The following ZNF620 variants were observed in gnomAD, a reference collection of about 807,000 sequenced individuals.
The protein encoded by ZNF620 is zinc finger protein 620.
Under a neutral mutation model 13.3 loss-of-function variants are expected in ZNF620, and 10 were observed. The ratio of observed to expected loss-of-function variants is 0.75; its 90% CI spans 0.46 to 1.28. ZNF620 has a LOEUF of 1.28. ZNF620 is among the 50% of genes most tolerant of loss of function. The pLI is 0.00. For synonymous variants in ZNF620, 166 were observed against 177.6 expected (o/e 0.93, Z 0.52); for missense variants, 461 against 500.2 (o/e 0.92, Z 0.75).
intron 2 of ZNF620, among the ~76,000 whole-genome samples, chr3:40,510,617 C>A (rs1330079769): frequency 6.6e-6 from 1 of 152,160 alleles, no homozygotes; most frequent in East Asian, 1.9e-4. Flanking sequence ...GTGAATTGGG[C>A]CCCTTTTTGT....
In ZNF620 at chr3:40,516,507, G is replaced by A; in HGVS notation, c.913G>A (p.Glu305Lys). The change falls in exon 5 of 5, where the codon GAG (glutamate) becomes AAG (lysine). Residue 305 changes from glutamate (E) to lysine (K), a missense_variant. Coordinates refer to ENST00000314529, the MANE Select transcript of ZNF620 (RefSeq NM_175888.4). ...FLQHQRFHTGEKLYECNECWK... is the reference protein window; with the variant it reads ...FLQHQRFHTGKKLYECNECWK... ...CCAGCACCAGAGGTTCCACACTGGG[G>A]AGAAGCTCTATGAATGTAACGAATG... The A allele has an allele frequency of 6.2e-7, 1 of 1,614,192 alleles. No individual in the cohort carries two copies.
intron 4 of ZNF620, among the ~76,000 whole-genome samples, chr3:40,513,316 AATATATATATAT>A (rs71618944): frequency 0.034 from 2,141 of 62,682 alleles, 112 homozygotes; most frequent in East Asian, 0.08. Context: ...AAAAAAAAAA[AATATATATATAT>A]ATATATATAT....
chr3:40,513,887 G>A (rs1033501806), intron 4 of ZNF620, among the ~76,000 whole-genome samples: 1 of 152,214 alleles, frequency 6.6e-6, no homozygotes, highest in Non-Finnish European at 1.5e-5. Flanking sequence ...AGACAAGAGT[G>A]TGAGCACTCT....
In ZNF620 at chr3:40,516,056, C is replaced by A; in HGVS notation, c.462C>A (p.Thr154=). The A allele has an allele frequency of 6.2e-7, 1 of 1,614,076 alleles. No individual in the cohort carries two copies. The highest frequency in any genetic ancestry group is 1.3e-5 in the African/African-American group (1 of 75,014). ...CAAAGAGGAGACATTTCACAGATAC[C>A]TCAGCCAGGCACCATGAGGCCTATG... ...TKSKRRHFTD[T]SARHHEAYEV... is the part of the protein sequence containing the mutation. Residue 154 remains threonine (T), a synonymous_variant, in exon 5 of 5, where the codon ACC becomes ACA. Coordinates refer to ENST00000314529, the MANE Select transcript of ZNF620 (RefSeq NM_175888.4).
At chr3:40,507,757 T>C (rs1698072934) in intron 2 of ZNF620, among the ~76,000 whole-genome samples, 1 of 152,186 alleles carries the variant, frequency 6.6e-6, no homozygotes. Context: ...TTTTGAGTCC[T>C]TTGGTAGATA....
chr3:40,509,241 T>G (rs1413340547), intron 2 of ZNF620, among the ~76,000 whole-genome samples: 5 of 152,154 alleles, frequency 3.3e-5, no homozygotes, highest in African/African-American at 4.8e-5. Context: ...TTTCTTTTTT[T>G]TCTTTTGTTT....
At chr3:40,507,239 G>A (rs1698055000) in intron 2 of ZNF620, among the ~76,000 whole-genome samples, 2 of 151,686 alleles carry the variant, frequency 1.3e-5, no homozygotes, top group Non-Finnish European at 2.9e-5. Context: ...CTACAAGCAC[G>A]CGCCACCACA....
rs1698007864 is a variant in ZNF620 at position 40,506,133 on chromosome 3, G to T, written c.-55G>T. On this transcript the variant is annotated 5_prime_UTR_variant, in exon 1 of 5. Coordinates refer to ENST00000314529, the MANE Select transcript of ZNF620 (RefSeq NM_175888.4). ...GCGGTCCGAGCTGAAGAGGTTCGCG[G>T]TCCGGGTAACTGATTGGTTTTCCTG... 4.8e-6 allele frequency: 3 copies of T among 631,078 alleles called. No individual in the cohort carries two copies. The highest frequency in any genetic ancestry group is 4.9e-5 in the Admixed American group (2 of 40,882). The allele number at this position is 631,078 out of a possible 1,614,324, so 39.1% of individuals were successfully genotyped here. A position where few individuals can be genotyped will look rare whatever the true frequency, so the allele number is the denominator to read the frequency against.
In ZNF620 at chr3:40,506,055, C is replaced by A; in HGVS notation, c.-133C>A. 2.0e-6 allele frequency: 1 copy of A among 508,842 alleles called. No homozygotes were observed. Among genetic ancestry groups the A allele is most frequent in the Non-Finnish European group, 3.6e-6 (1 of 279,872 alleles). The allele number at this position is 508,842 out of a possible 1,614,324, so 31.5% of individuals were successfully genotyped here. On this transcript the variant is annotated 5_prime_UTR_variant, in exon 1 of 5. Transcript: ENST00000314529. ...GAGGGTCTCAAGCTTTCCCCGGTGT[C>A]GGCGGCAGGTGGAATTTCCACGCTT... is the stretch of plus-strand genomic sequence containing the variant.
rs1430317844 is a variant in ZNF620 at position 40,516,892 on chromosome 3, T to C, written c.*29T>C. 3 of 1,534,456 alleles carry C rather than the reference T, an allele frequency of 2.0e-6. No homozygotes were observed. Among genetic ancestry groups the C allele is most frequent in the Non-Finnish European group, 2.6e-6 (3 of 1,141,930 alleles). ...TATCCATAGTTAGGCCCACTGTGCC[T>C]CTCCTTTTTTCTCTTTATTTTCATG... On this transcript the variant is annotated 3_prime_UTR_variant, in exon 5 of 5. Transcript: ENST00000314529.
Position 40,516,655 on chromosome 3 carries a change from A to G in ZNF620, c.1061A>G (p.His354Arg), listed in dbSNP as rs1484218994. Reference sequence around the variant, plus strand: ...AGCTCCAACACAGCCTTGACTCAGCATCAGCGAATTCACACTGGGGAGAAG... The same window carrying G: ...AGCTCCAACACAGCCTTGACTCAGCGTCAGCGAATTCACACTGGGGAGAAG... ...RLSSNTALTQ[H>R]QRIHTGEKPF... The change falls in exon 5 of 5, where the codon CAT (histidine) becomes CGT (arginine). Residue 354 changes from histidine to arginine, a missense_variant. Physicochemically the swap from His to Arg is conservative, Grantham distance 29. Transcript: ENST00000314529. 1.9e-6 allele frequency: 3 copies of G among 1,613,932 alleles called. No individual in the cohort carries two copies. The South Asian group carries it at 3.3e-5, about 18-fold the overall frequency.
Position 40,506,309 on chromosome 3 carries a change from C to T in ZNF620, c.-44C>T, listed in dbSNP as rs908320755. The T allele has an allele frequency of 6.2e-7, 1 of 1,613,842 alleles. No homozygotes were observed. Among genetic ancestry groups the T allele is most frequent in the Non-Finnish European group, 8.5e-7 (1 of 1,179,934 alleles). The stretch of plus-strand genomic sequence containing the variant: ...CTTCTTTATTTTCTCTTCAGTTTCA[C>T]TTCTCCGAACCCTGAGGCAGTGTGT... On this transcript the variant is annotated 5_prime_UTR_variant, in exon 2 of 5. Coordinates refer to ENST00000314529, the MANE Select transcript of ZNF620 (RefSeq NM_175888.4).
chr3:40,513,975 A>C (rs924799612), intron 4 of ZNF620, among the ~76,000 whole-genome samples: 1 of 152,196 alleles, frequency 6.6e-6, no homozygotes, highest in African/African-American at 2.4e-5. Flanking sequence ...CCCCTTACTT[A>C]GCAGACCTTG....
chr3:40,510,620 C>T (rs1417812919), intron 2 of ZNF620, among the ~76,000 whole-genome samples: 1 of 152,158 alleles, frequency 6.6e-6, no homozygotes, highest in Non-Finnish European at 1.5e-5. Flanking sequence ...AATTGGGCCC[C>T]TTTTTGTTTG....
At position 40,516,750 on chromosome 3, in the gene ZNF620, C is replaced by G. The variant is rs770093229; in HGVS notation, c.1156C>G (p.His386Asp). ...AACCCTGATTCAGCACCAGCGAGTTCACACTGGCGAGAAACCTTATGAGTG... is the reference window on the plus strand; with the variant it reads ...AACCCTGATTCAGCACCAGCGAGTTGACACTGGCGAGAAACCTTATGAGTG... ...KITLIQHQRV[H>D]TGEKPYECKV... Residue 386 changes from histidine (H) to aspartate (D), a missense_variant, in exon 5 of 5, where the codon CAC becomes GAC. By Grantham distance (81) the His-to-Asp change is moderately conservative. Coordinates refer to ENST00000314529, the MANE Select transcript of ZNF620 (RefSeq NM_175888.4). The G allele has an allele frequency of 3.7e-6, 6 of 1,614,198 alleles. No individual in the cohort carries two copies. The highest frequency in any genetic ancestry group is 3.3e-5 in the Admixed American group (2 of 60,014).
intron 2 of ZNF620, among the ~76,000 whole-genome samples, chr3:40,507,782 G>C (rs1266623700): frequency 6.6e-6 from 1 of 152,010 alleles, no homozygotes; most frequent in Non-Finnish European, 1.5e-5. Context: ...GGCTACTCTG[G>C]TTATCTCTTT....
chr3:40,506,112 T>G lies in ZNF620; in HGVS notation c.-76T>G, dbSNP rs1417606454. 1.7e-6 allele frequency: 1 copy of G among 590,106 alleles called. No individual in the cohort carries two copies. The highest frequency in any genetic ancestry group is 2.9e-5 in the East Asian group (1 of 34,668). 36.6% of individuals were successfully genotyped at this position (590,106 alleles called of 1,614,324 possible). ...CGCCTGCGCCGCGCGGGATTCGCGGTCCGAGCTGAAGAGGTTCGCGGTCCG... is the reference window on the plus strand; with the variant it reads ...CGCCTGCGCCGCGCGGGATTCGCGGGCCGAGCTGAAGAGGTTCGCGGTCCG... On this transcript the variant is annotated 5_prime_UTR_variant, in exon 1 of 5. Transcript: ENST00000314529.
chr3:40,506,132 G>A lies in ZNF620; in HGVS notation c.-56G>A. On this transcript the variant is annotated 5_prime_UTR_variant, in exon 1 of 5. Transcript: ENST00000314529. ...CGCGGTCCGAGCTGAAGAGGTTCGC[G>A]GTCCGGGTAACTGATTGGTTTTCCT... The A allele has an allele frequency of 1.6e-6, 1 of 627,776 alleles. No individual in the cohort carries two copies. Among genetic ancestry groups the A allele is most frequent in the South Asian group, 1.8e-5 (1 of 54,304 alleles). 38.9% of individuals were successfully genotyped at this position (627,776 alleles called of 1,614,324 possible). A position where few individuals can be genotyped will look rare whatever the true frequency, so the allele number is the denominator to read the frequency against.
chr3:40,513,326 T>A (rs1417062097), intron 4 of ZNF620, among the ~76,000 whole-genome samples: 1,390 of 42,086 alleles, frequency 0.033, 100 homozygotes, highest in African/African-American at 0.12. Context: ...AATATATATA[T>A]ATATATATAT....
Sources: gnomAD v4.1 joint callset for allele counts (sites outside exome capture counted in the v4.1 genomes callset) on GRCh38, gnomAD v4.1.1 for gene constraint, MANE v1.5 for transcripts, NCBI Gene and HGNC (gene_info 2026-07-23, HGNC 2026-07-21) for gene names.